MID1: variants seen among roughly 807,000 people sequenced by gnomAD.
MID1 encodes E3 ubiquitin-protein ligase Midline-1.
Under a neutral mutation model 40.4 loss-of-function variants are expected in MID1, and 7 were observed. That is an observed-to-expected ratio of 0.17 (90% CI 0.10 to 0.33). The LOEUF (loss-of-function observed/expected upper bound fraction) is 0.33, where lower values mean the gene tolerates loss of function less well. MID1 is among the 10% of genes least tolerant of loss of function. The pLI is 1.00. For synonymous variants in MID1, 229 were observed against 221.2 expected, an observed-to-expected ratio of 1.04 and a Z score of -0.31; for missense variants, 367 against 558.5, an observed-to-expected ratio of 0.66 and a Z score of 3.46.
chrX:10,575,495 T>A (rs191411155), intron 1 of MID1, among the ~76,000 whole-genome samples: 11 of 112,325 alleles, frequency 9.8e-5, no homozygotes, highest in African/African-American at 3.6e-4. Context: ...CAAGATGAAT[T>A]CATCATAGGG....
Position 10,765,936 on chromosome X carries a change from AG to A in MID1, c.-187+67617del, listed in dbSNP as rs200743486. ...GAAAGAAAGAAAGAAAGGAAAGGAA[AG>A]GAAAGGAAAGAAAGAAAGAAAGAAA... On this transcript the variant is annotated intron_variant, in intron 1 of 10. Coordinates refer to the MID1 transcript ENST00000380785. Among the ~76,000 whole-genome samples the A allele has an allele frequency of 3.5e-3, 311 of 88,123 alleles. 1 individual carries two copies. Among genetic ancestry groups the A allele is most frequent in the African/African-American group, 0.015 (290 of 19,561 alleles). The allele number at this position is 88,123 out of a possible 115,157, so 76.5% of individuals were successfully genotyped here. A position where few individuals can be genotyped will look rare whatever the true frequency, so the allele number is the denominator to read the frequency against.
At chrX:10,630,719 G>A (rs1434631853) in intron 1 of MID1, among the ~76,000 whole-genome samples, 1 of 111,446 alleles carries the variant, frequency 9.0e-6, no homozygotes, top group African/African-American at 3.3e-5. Flanking sequence ...TAGACAGAGA[G>A]CAGCCTGCAA....
intron 1 of MID1, among the ~76,000 whole-genome samples, chrX:10,637,129 T>A (rs1006629472): frequency 1.8e-5 from 2 of 108,468 alleles, no homozygotes; most frequent in African/African-American, 6.7e-5. Context: ...TCCAAAAGAG[T>A]GCTGCAATCT....
At chrX:10,599,475 G>A (rs1935475560) in intron 1 of MID1, among the ~76,000 whole-genome samples, 1 of 112,194 alleles carries the variant, frequency 8.9e-6, no homozygotes, top group Admixed American at 9.5e-5. Context: ...TTTCTATAGG[G>A]GAAACAGAAA....
chrX:10,635,770 C>A (rs1246710249), intron 1 of MID1, among the ~76,000 whole-genome samples: 1 of 112,058 alleles, frequency 8.9e-6, no homozygotes. Flanking sequence ...AACTTACTTT[C>A]ATAAATATGG....
rs2043492741 is a variant in MID1, at chrX:10,737,063, C to T, written c.-187+96491G>A. Among the ~76,000 whole-genome samples the T allele has an allele frequency of 2.7e-5, 3 of 112,025 alleles. No homozygotes were observed. In the South Asian group the frequency reaches 1.1e-3, roughly 41 times the overall value. ...GTGTGTGTGTATTCTCACACAAATACATACGCACATTCTTATAAAAACTCT... is the reference window on the plus strand; with the variant it reads ...GTGTGTGTGTATTCTCACACAAATATATACGCACATTCTTATAAAAACTCT... On this transcript the variant is annotated intron_variant, in intron 1 of 10. Coordinates refer to the MID1 transcript ENST00000380785.
chrX:10,673,685 G>A (rs2043003684), intron 1 of MID1, among the ~76,000 whole-genome samples: 1 of 110,522 alleles, frequency 9.0e-6, no homozygotes, highest in Non-Finnish European at 1.9e-5. Flanking sequence ...AGAAAGACAT[G>A]GCTGGTAAGA....
intron 1 of MID1, among the ~76,000 whole-genome samples, chrX:10,570,041 C>G (rs189783902): frequency 8.9e-6 from 1 of 112,258 alleles, no homozygotes; most frequent in Non-Finnish European, 1.9e-5. Context: ...ACAGAACATG[C>G]ATCTCCTTTT....
chrX:10,558,076 A>C (rs1055002924), intron 2 of MID1, among the ~76,000 whole-genome samples: 3 of 110,231 alleles, frequency 2.7e-5, no homozygotes, highest in Non-Finnish European at 5.7e-5. Flanking sequence ...AAAAAAAAAA[A>C]AAAAACACTT....
rs755079024 is a variant in MID1 at position 10,586,163 on chromosome X, G to A, written c.-56-18560C>T. Among the ~76,000 whole-genome samples, 10 of 111,510 alleles carry A rather than the reference G, an allele frequency of 9.0e-5. No homozygotes were observed. In the South Asian group the frequency reaches 3.8e-3, roughly 43 times the overall value. ...ACTTATAATAACTGTAAAATAATAGGACTGTAGCAACCTTTTGTCCCACTT... is the reference window on the plus strand; with the variant it reads ...ACTTATAATAACTGTAAAATAATAGAACTGTAGCAACCTTTTGTCCCACTT... On this transcript the variant is annotated intron_variant, in intron 1 of 9. Coordinates refer to ENST00000317552, the MANE Select transcript of MID1 (RefSeq NM_000381.4).
At chrX:10,646,078 C>G (rs888534416) in intron 1 of MID1, among the ~76,000 whole-genome samples, 2 of 111,713 alleles carry the variant, frequency 1.8e-5, no homozygotes, top group Non-Finnish European at 3.8e-5. Context: ...GCCACCACTC[C>G]CCGAACCACA....
chrX:10,678,852 G>C (rs1001292029), intron 1 of MID1, among the ~76,000 whole-genome samples: 6 of 112,037 alleles, frequency 5.4e-5, no homozygotes, highest in Non-Finnish European at 1.9e-5. Context: ...GCCTGTCAGA[G>C]TGGACTAAAT....
At chrX:10,792,221 G>T (rs1457474423) in intron 1 of MID1, among the ~76,000 whole-genome samples, 2 of 112,101 alleles carry the variant, frequency 1.8e-5, no homozygotes, top group Non-Finnish European at 3.8e-5. Flanking sequence ...ATAAAACTTT[G>T]GTTACAAAAA....
intron 1 of MID1, among the ~76,000 whole-genome samples, chrX:10,830,843 C>A (rs1227554517): frequency 8.9e-6 from 1 of 112,079 alleles, no homozygotes; most frequent in Non-Finnish European, 1.9e-5. Context: ...TCATTAAATT[C>A]TTTATAAAAT....
At chrX:10,717,385 G>C (rs1223497114) in intron 1 of MID1, among the ~76,000 whole-genome samples, 1 of 108,118 alleles carries the variant, frequency 9.2e-6, no homozygotes, top group Non-Finnish European at 1.9e-5. Flanking sequence ...AAAAAGGCAG[G>C]GGTTGCAATC....
intron 1 of MID1, among the ~76,000 whole-genome samples, chrX:10,577,354 T>C (rs1934898990): frequency 8.9e-6 from 1 of 111,899 alleles, no homozygotes; most frequent in Admixed American, 9.5e-5. Context: ...CATGATCACA[T>C]TATGCTCTGC....
At chrX:10,467,054 A>C (rs970801262) in intron 7 of MID1, among the ~76,000 whole-genome samples, 1 of 111,513 alleles carries the variant, frequency 9.0e-6, no homozygotes. Flanking sequence ...ATTGTTTGTA[A>C]GGGCCAAAGA....
intron 2 of MID1, among the ~76,000 whole-genome samples, chrX:10,555,177 G>A (rs1027154907): frequency 3.6e-5 from 4 of 111,644 alleles, no homozygotes; most frequent in African/African-American, 9.8e-5. Context: ...AGTCCAGCCC[G>A]CGAACAGTAG....
intron 5 of MID1, among the ~76,000 whole-genome samples, chrX:10,481,665 C>T (rs1041162115): frequency 5.4e-5 from 6 of 110,951 alleles, no homozygotes; most frequent in African/African-American, 2.0e-4. Flanking sequence ...AGGCTGGTCT[C>T]GAACTCCTGA....
Sources: gnomAD v4.1 joint callset for allele counts (sites outside exome capture counted in the v4.1 genomes callset) on GRCh38, gnomAD v4.1.1 for gene constraint, MANE v1.5 for transcripts, NCBI Gene and HGNC (gene_info 2026-07-23, HGNC 2026-07-21) for gene names.